ASIC2: variants seen among roughly 807,000 people sequenced by gnomAD.
The protein encoded by ASIC2 is acid-sensing ion channel 2.
Under a neutral mutation model 57.3 loss-of-function variants are expected in ASIC2, and 25 were observed. The observed-to-expected ratio is 0.44, with a 90% CI of 0.32 to 0.61. The LOEUF is 0.61. Among genes scored for constraint, ASIC2 ranks in the 20% least tolerant of loss-of-function variants. The pLI, the probability that ASIC2 is intolerant of heterozygous loss-of-function variation, is 0.06. For missense variants in ASIC2, 641 were observed against 738.1 expected (o/e 0.87, Z 1.52); for synonymous variants, 319 against 307.5 (o/e 1.04, Z -0.39).
chr17:33,925,295 G>A (rs1567757815), intron 1 of ASIC2, among the ~76,000 whole-genome samples: 1 of 152,220 alleles, frequency 6.6e-6, no homozygotes, highest in Non-Finnish European at 1.5e-5. Context: ...AGCGCAAAAT[G>A]CACTGAAGGC....
At chr17:33,162,108 A>G (rs1182332527) in intron 1 of ASIC2, among the ~76,000 whole-genome samples, 2 of 152,116 alleles carry the variant, frequency 1.3e-5, no homozygotes, top group African/African-American at 2.4e-5. Context: ...CCTAGCAGTC[A>G]TCTCTTCCAA....
At chr17:33,147,655 G>T (rs948113234) in intron 1 of ASIC2, among the ~76,000 whole-genome samples, 1 of 152,144 alleles carries the variant, frequency 6.6e-6, no homozygotes, top group Non-Finnish European at 1.5e-5. Context: ...TGCCATAGGA[G>T]GATCTGCTAA....
chr17:33,462,725 G>T (rs547211784), intron 1 of ASIC2, among the ~76,000 whole-genome samples: 2 of 152,318 alleles, frequency 1.3e-5, no homozygotes, highest in South Asian at 4.1e-4. Context: ...GTAGTTGGTG[G>T]TCACCCTACT....
At chr17:33,245,616 A>C (rs1908662291) in intron 1 of ASIC2, among the ~76,000 whole-genome samples, 1 of 152,204 alleles carries the variant, frequency 6.6e-6, no homozygotes, top group African/African-American at 2.4e-5. Context: ...ACAGGAACTG[A>C]TATGCCTTAG....
intron 1 of ASIC2, among the ~76,000 whole-genome samples, chr17:33,824,130 T>A (rs1027084863): frequency 6.6e-6 from 1 of 152,174 alleles, no homozygotes; most frequent in African/African-American, 2.4e-5. Flanking sequence ...GCAATGGGGA[T>A]GGGCTTTTCC....
intron 1 of ASIC2, among the ~76,000 whole-genome samples, chr17:33,606,761 A>G (rs1320082882): frequency 6.6e-6 from 1 of 152,198 alleles, no homozygotes; most frequent in Non-Finnish European, 1.5e-5. Context: ...ATCCTGTAGT[A>G]CATGTTGAGA....
At chr17:33,579,136 A>C (rs929983035) in intron 1 of ASIC2, among the ~76,000 whole-genome samples, 1 of 151,830 alleles carries the variant, frequency 6.6e-6, no homozygotes, top group African/African-American at 2.4e-5. Context: ...AATATAAAAC[A>C]GTAGCCAGGC....
chr17:33,449,043 A>G (rs775781557), intron 1 of ASIC2, among the ~76,000 whole-genome samples: 15 of 152,218 alleles, frequency 9.9e-5, no homozygotes, highest in Admixed American at 3.9e-4. Flanking sequence ...GCCCAAGGGT[A>G]CCATTTGGTG....
chr17:33,087,460 G>A (rs1467654467), intron 3 of ASIC2, among the ~76,000 whole-genome samples: 3 of 151,998 alleles, frequency 2.0e-5, no homozygotes, highest in Admixed American at 6.6e-5. Flanking sequence ...GTTGACCTTG[G>A]ACTTCATTAA....
chr17:33,175,611 G>A (rs1056314839), intron 1 of ASIC2, among the ~76,000 whole-genome samples: 7 of 152,130 alleles, frequency 4.6e-5, no homozygotes, highest in South Asian at 2.1e-4. Context: ...CATTTACAGC[G>A]ATGAACCTCT....
chr17:33,014,555 G>A (rs1356170774), intron 9 of ASIC2, among the ~76,000 whole-genome samples: 1 of 152,020 alleles, frequency 6.6e-6, no homozygotes, highest in East Asian at 1.9e-4. Flanking sequence ...GACTTTTAGG[G>A]TTAAGCTGGA....
intron 1 of ASIC2, among the ~76,000 whole-genome samples, chr17:33,801,016 C>T (rs1245566430): frequency 1.3e-5 from 2 of 152,152 alleles, no homozygotes; most frequent in East Asian, 3.8e-4. Context: ...AACAAGCAGT[C>T]AGTTGAGTGC....
At chr17:34,002,598 T>G (rs1355113748) in intron 1 of ASIC2, 1 of 152,226 alleles carries the variant, frequency 6.6e-6, no homozygotes, top group African/African-American at 2.4e-5. Context: ...CAGGGTCTGA[T>G]CTCCAAGATT....
At chr17:33,346,270 G>A (rs114337388) in intron 1 of ASIC2, among the ~76,000 whole-genome samples, 2,742 of 141,174 alleles carry the variant, frequency 0.019, 87 homozygotes, top group African/African-American at 0.068. Context: ...AGAGAGAAAA[G>A]GAACATAAAG....
chr17:33,684,364 A>AC (rs1908110690), intron 1 of ASIC2, among the ~76,000 whole-genome samples: 1 of 152,040 alleles, frequency 6.6e-6, no homozygotes, highest in African/African-American at 2.4e-5. Context: ...TTTAGAGCTG[A>AC]CTACCCAAGT....
chr17:33,448,533 G>A (rs1912125561), intron 1 of ASIC2, among the ~76,000 whole-genome samples: 1 of 152,210 alleles, frequency 6.6e-6, no homozygotes, highest in African/African-American at 2.4e-5. Context: ...ACAATGTGAG[G>A]ATGGAGGCAG....
chr17:33,089,107 C>T, intron 2 of ASIC2, 117 bp from the exon 3 acceptor site: 2 of 1,366,562 alleles, frequency 1.5e-6, no homozygotes, highest in Non-Finnish European at 2.0e-6. Flanking sequence ...AGAATAATGG[C>T]CCCCAAAGGT....
intron 1 of ASIC2, among the ~76,000 whole-genome samples, chr17:33,765,320 G>C (rs1220561832): frequency 6.6e-6 from 1 of 152,054 alleles, no homozygotes; most frequent in Non-Finnish European, 1.5e-5. Context: ...GTATTAGCCA[G>C]GATGGTCTCG....
intron 1 of ASIC2, among the ~76,000 whole-genome samples, chr17:33,143,235 T>A (rs1904402540): frequency 6.6e-6 from 1 of 152,228 alleles, no homozygotes; most frequent in Non-Finnish European, 1.5e-5. Flanking sequence ...CATGTAGATA[T>A]CTCAGGTGGA....
Sources: allele counts gnomAD v4.1 joint callset (sites outside exome capture counted in the v4.1 genomes callset), GRCh38; gene constraint gnomAD v4.1.1; transcripts MANE v1.5; gene names NCBI Gene and HGNC (gene_info 2026-07-23, HGNC 2026-07-21).